The following KSR2 variants were observed in gnomAD, a reference collection of about 807,000 sequenced individuals.
KSR2 encodes kinase suppressor of ras 2.
Under a neutral mutation model 107.8 loss-of-function variants are expected in KSR2, and 25 were observed. The ratio of observed to expected loss-of-function variants is 0.23; its 90% CI spans 0.17 to 0.32. The LOEUF (loss-of-function observed/expected upper bound fraction) is 0.32, where lower values mean the gene tolerates loss of function less well. KSR2 is among the 10% of genes least tolerant of loss of function. KSR2 has a pLI of 1.00. For synonymous variants in KSR2, 480 were observed against 507.0 expected, an observed-to-expected ratio of 0.95 and a Z score of 0.71; for missense variants, 887 against 1,268.9, an observed-to-expected ratio of 0.70 and a Z score of 4.57.
intron 14 of KSR2, among the ~76,000 whole-genome samples, chr12:117,514,702 T>C (rs1874253598): frequency 6.6e-6 from 1 of 151,866 alleles, no homozygotes. Flanking sequence ...GAGCACACCA[T>C]CACATCTGGC....
chr12:117,940,135 C>G (rs1298552710), intron 1 of KSR2, among the ~76,000 whole-genome samples: 2 of 152,138 alleles, frequency 1.3e-5, no homozygotes, highest in African/African-American at 4.8e-5. Context: ...AACGTCAATA[C>G]TGGATGTCCT....
intron 4 of KSR2, among the ~76,000 whole-genome samples, chr12:117,724,325 A>AG (rs931841498): frequency 1.3e-5 from 2 of 151,994 alleles, no homozygotes; most frequent in Admixed American, 1.3e-4. Context: ...AAAAAAAAAA[A>AG]AAAAAGAAAA....
At chr12:117,470,954 G>T (rs1428107523) in intron 18 of KSR2, among the ~76,000 whole-genome samples, 1 of 152,184 alleles carries the variant, frequency 6.6e-6, no homozygotes, top group East Asian at 1.9e-4. Context: ...CCCACAGTTA[G>T]GAAAAACCTG....
chr12:117,963,670 A>G (rs937203882), intron 1 of KSR2, among the ~76,000 whole-genome samples: 3 of 152,222 alleles, frequency 2.0e-5, no homozygotes, highest in Non-Finnish European at 4.4e-5. Flanking sequence ...GAAGACTTCT[A>G]TCTCCTTCCA....
In KSR2 at chr12:117,798,943, T is replaced by C. The variant is rs868721378; in HGVS notation, c.473-37419A>G. Among the ~76,000 whole-genome samples the C allele has an allele frequency of 1.3e-5, 2 of 152,056 alleles. 1 individual carries two copies. Among genetic ancestry groups the C allele is most frequent in the African/African-American group, 4.8e-5 (2 of 41,406 alleles). ...GTTCTAACACATGCTGCAACATGGG[T>C]GAACCTTAACAACATGATGCTGAGT... On this transcript the variant is annotated intron_variant, in intron 3 of 19. Coordinates refer to ENST00000339824, the MANE Select transcript of KSR2 (RefSeq NM_173598.6).
At chr12:117,936,511 TTTATTATTATTA>T (rs145675167) in intron 1 of KSR2, among the ~76,000 whole-genome samples, 12,452 of 139,652 alleles carry the variant, frequency 0.089, 696 homozygotes, top group Middle Eastern at 0.11. Context: ...TTATTATTAT[TTTATTATTATTA>T]TTATTATTAT....
chr12:117,795,185 G>T (rs1890577978), intron 3 of KSR2, among the ~76,000 whole-genome samples: 1 of 152,166 alleles, frequency 6.6e-6, no homozygotes, highest in African/African-American at 2.4e-5. Flanking sequence ...TGTTGACAGT[G>T]CCTCGGAAGA....
chr12:117,734,641 G>C (rs1887869089), intron 4 of KSR2, among the ~76,000 whole-genome samples: 1 of 152,132 alleles, frequency 6.6e-6, no homozygotes, highest in Non-Finnish European at 1.5e-5. Context: ...TGAACTGTAA[G>C]CTCCTGAAAG....
At chr12:117,609,160 C>G (rs568407976) in intron 5 of KSR2, among the ~76,000 whole-genome samples, 2 of 152,262 alleles carry the variant, frequency 1.3e-5, no homozygotes, top group South Asian at 4.2e-4. Flanking sequence ...CAGAATGGGC[C>G]ACACCTGGCT....
At chr12:117,536,133 C>T (rs533587895) in intron 10 of KSR2, among the ~76,000 whole-genome samples, 1 of 152,082 alleles carries the variant, frequency 6.6e-6, no homozygotes, top group African/African-American at 2.4e-5. Context: ...GCTGGTCAAC[C>T]CCCCCAGCCC....
At chr12:117,923,305 G>A (rs1436360965) in intron 1 of KSR2, among the ~76,000 whole-genome samples, 1 of 152,086 alleles carries the variant, frequency 6.6e-6, no homozygotes, top group Non-Finnish European at 1.5e-5. Flanking sequence ...TAAATTTAGG[G>A]CCAAAGGCTT....
chr12:117,667,102 A>G (rs1464067160), intron 5 of KSR2, among the ~76,000 whole-genome samples: 2 of 152,174 alleles, frequency 1.3e-5, no homozygotes, highest in East Asian at 3.8e-4. Flanking sequence ...AAAATCCTGT[A>G]ATCAGGCAGC....
chr12:117,669,573 A>T (rs1884817184), intron 4 of KSR2, among the ~76,000 whole-genome samples: 1 of 149,666 alleles, frequency 6.7e-6, no homozygotes, highest in African/African-American at 2.5e-5. Context: ...GCTAAAATTA[A>T]AAAAAAAAAG....
chr12:117,683,484 T>C (rs2136543120), intron 4 of KSR2, among the ~76,000 whole-genome samples: 1 of 152,314 alleles, frequency 6.6e-6, no homozygotes, highest in South Asian at 2.1e-4. Flanking sequence ...TAGGTATAAA[T>C]TCCTAGAAAT....
At chr12:117,681,536 G>C (rs1039500939) in intron 4 of KSR2, among the ~76,000 whole-genome samples, 2 of 152,334 alleles carry the variant, frequency 1.3e-5, no homozygotes, top group African/African-American at 4.8e-5. Flanking sequence ...GGGCAGAGGT[G>C]AAGTCGGGAG....
intron 1 of KSR2, among the ~76,000 whole-genome samples, chr12:117,869,248 T>C (rs1031710210): frequency 2.0e-5 from 3 of 151,980 alleles, no homozygotes; most frequent in African/African-American, 7.2e-5. Context: ...GGCGGGCGCC[T>C]ATAATCCCAG....
intron 1 of KSR2, among the ~76,000 whole-genome samples, chr12:117,870,932 A>C (rs1179960076): frequency 6.6e-6 from 1 of 152,134 alleles, no homozygotes; most frequent in East Asian, 1.9e-4. Flanking sequence ...AACCCAGAAA[A>C]CTGCACAGAG....
intron 12 of KSR2, among the ~76,000 whole-genome samples, chr12:117,530,415 C>T (rs1195888447): frequency 6.6e-6 from 1 of 152,080 alleles, no homozygotes; most frequent in Non-Finnish European, 1.5e-5. Context: ...CAACCATGCA[C>T]AATACATTGT....
intron 1 of KSR2, among the ~76,000 whole-genome samples, chr12:117,917,997 A>C (rs1189625119): frequency 1.3e-5 from 2 of 152,234 alleles, no homozygotes; most frequent in Non-Finnish European, 2.9e-5. Context: ...GGAACTCAGT[A>C]GTGGCTGTCT....
Sources: allele counts gnomAD v4.1 joint callset (sites outside exome capture counted in the v4.1 genomes callset), GRCh38; gene constraint gnomAD v4.1.1; transcripts MANE v1.5; gene names NCBI Gene and HGNC (gene_info 2026-07-23, HGNC 2026-07-21).